PLCL1: variants seen among roughly 807,000 people sequenced by gnomAD.
The protein encoded by PLCL1 is inactive phospholipase C-like protein 1.
A neutral mutation model predicts 84.4 loss-of-function variants in PLCL1; 41 were observed. That is an observed-to-expected ratio of 0.49 (90% CI 0.38 to 0.63). The LOEUF (loss-of-function observed/expected upper bound fraction) is 0.63. Ranked by LOEUF, PLCL1 falls within the 30% of genes least tolerant of loss-of-function variation. The probability of loss-of-function intolerance (pLI) is 0.00; values close to 1 mark genes in which losing one functional copy is unlikely to be tolerated. For missense variants in PLCL1, 1,206 were observed against 1,367.8 expected (o/e 0.88, Z 1.87); for synonymous variants, 490 against 488.3 (o/e 1.00, Z -0.05).
chr2:197,897,025 G>A (rs763851484), intron 1 of PLCL1, among the ~76,000 whole-genome samples: 1 of 152,052 alleles, frequency 6.6e-6, no homozygotes, highest in African/African-American at 2.4e-5. Context: ...ACTGCTTTTA[G>A]TATTTTGTGA....
intron 1 of PLCL1, among the ~76,000 whole-genome samples, chr2:197,850,695 C>T (rs1412656439): frequency 6.6e-6 from 1 of 152,116 alleles, no homozygotes; most frequent in Non-Finnish European, 1.5e-5. Context: ...AACAACTACA[C>T]CTACCTACTT....
intron 1 of PLCL1, among the ~76,000 whole-genome samples, chr2:198,080,217 C>T (rs1053885674): frequency 7.2e-5 from 11 of 152,290 alleles, no homozygotes; most frequent in Admixed American, 7.2e-4. Flanking sequence ...CTTCCCAATA[C>T]ATACACAACA....
chr2:198,006,876 T>C (rs552990489), intron 1 of PLCL1, among the ~76,000 whole-genome samples: 28 of 152,192 alleles, frequency 1.8e-4, no homozygotes, highest in Non-Finnish European at 3.2e-4. Flanking sequence ...CTTTTACCAG[T>C]TTCTAAAGGC....
intron 1 of PLCL1, among the ~76,000 whole-genome samples, chr2:198,078,711 T>A (rs866465857): frequency 6.6e-6 from 1 of 152,116 alleles, no homozygotes; most frequent in African/African-American, 2.4e-5. Context: ...TAGAACTGTT[T>A]GCTTAAAAAA....
At chr2:197,898,743 C>G (rs1688206203) in intron 1 of PLCL1, among the ~76,000 whole-genome samples, 1 of 40,876 alleles carries the variant, frequency 2.4e-5, no homozygotes, top group African/African-American at 1.8e-4. Context: ...TTCTTTAGTC[C>G]TTGACTCAAA....
chr2:197,816,904 A>G (rs1690700791), intron 1 of PLCL1, among the ~76,000 whole-genome samples: 3 of 152,152 alleles, frequency 2.0e-5, no homozygotes, highest in African/African-American at 4.8e-5. Flanking sequence ...TAGAAATTGC[A>G]AAGTCAATAT....
At chr2:197,813,223 G>A (rs1369901687) in intron 1 of PLCL1, among the ~76,000 whole-genome samples, 1 of 152,150 alleles carries the variant, frequency 6.6e-6, no homozygotes, top group Non-Finnish European at 1.5e-5. Context: ...GGTTGGGGAG[G>A]AGAGAGAGAA....
At chr2:198,141,463 C>T (rs1464305955) in intron 5 of PLCL1, among the ~76,000 whole-genome samples, 1 of 136,778 alleles carries the variant, frequency 7.3e-6, no homozygotes, top group Non-Finnish European at 1.5e-5. Context: ...CGTAACATAC[C>T]AAGAGTGTAA....
intron 1 of PLCL1, among the ~76,000 whole-genome samples, chr2:197,840,664 C>T (rs973017687): frequency 2.0e-5 from 3 of 152,028 alleles, no homozygotes; most frequent in African/African-American, 7.2e-5. Flanking sequence ...AATAAATGCT[C>T]CTAAAATGAA....
At chr2:198,019,603 T>C (rs1424560441) in intron 1 of PLCL1, among the ~76,000 whole-genome samples, 1 of 152,102 alleles carries the variant, frequency 6.6e-6, no homozygotes, top group Non-Finnish European at 1.5e-5. Context: ...CAAGTATCAA[T>C]AGCTGAATTG....
Position 197,983,200 on chromosome 2 carries a change from C to CTTTTTTTTT in PLCL1, c.241-100527_241-100519dup, listed in dbSNP as rs760577848. On this transcript the variant is annotated intron_variant, in intron 1 of 5. Transcript: ENST00000428675. ...TTTCTTTTTCTTTTTCTTTTCTTTT[C>CTTTTTTTTT]TTTTTTTTTTTTTTTTTTTTTTTTT... 6.8e-4 allele frequency among the ~76,000 whole-genome samples: 41 copies of CTTTTTTTTT among 60,282 alleles called. 2 individuals are homozygous for CTTTTTTTTT. Among genetic ancestry groups the CTTTTTTTTT allele is most frequent in the East Asian group, 2.7e-3 (5 of 1,876 alleles). The allele number at this position is 60,282 out of a possible 152,430, so 39.5% of individuals were successfully genotyped here. A position where few individuals can be genotyped will look rare whatever the true frequency, so the allele number is the denominator to read the frequency against.
At chr2:197,938,906 A>G (rs1279018488) in intron 1 of PLCL1, among the ~76,000 whole-genome samples, 2 of 152,360 alleles carry the variant, frequency 1.3e-5, no homozygotes, top group African/African-American at 4.8e-5. Flanking sequence ...GAAAATGGCA[A>G]TATTAAGAGT....
chr2:198,034,557 T>A (rs1574262786), intron 1 of PLCL1, among the ~76,000 whole-genome samples: 1 of 152,330 alleles, frequency 6.6e-6, no homozygotes, highest in East Asian at 1.9e-4. Flanking sequence ...AAAAAAAGTT[T>A]TTGTTTTTAA....
At chr2:197,878,223 T>C (rs997087521) in intron 1 of PLCL1, among the ~76,000 whole-genome samples, 1 of 152,174 alleles carries the variant, frequency 6.6e-6, no homozygotes, top group Non-Finnish European at 1.5e-5. Flanking sequence ...AATAACATTC[T>C]CCATGATTAG....
intron 1 of PLCL1, among the ~76,000 whole-genome samples, chr2:197,960,861 G>A (rs911979140): frequency 1.3e-5 from 2 of 152,074 alleles, no homozygotes; most frequent in Non-Finnish European, 2.9e-5. Flanking sequence ...AAGATGTATA[G>A]CATTATTATG....
At chr2:197,841,310 T>C (rs1216901596) in intron 1 of PLCL1, among the ~76,000 whole-genome samples, 2 of 152,204 alleles carry the variant, frequency 1.3e-5, no homozygotes, top group African/African-American at 4.8e-5. Context: ...ATAATATGTA[T>C]CTATCATTAT....
At chr2:197,938,883 C>T (rs755138213) in intron 1 of PLCL1, among the ~76,000 whole-genome samples, 56 of 152,018 alleles carry the variant, frequency 3.7e-4, no homozygotes, top group Non-Finnish European at 5.7e-4. Context: ...TCATTAATCT[C>T]AAGTGGAGAC....
intron 1 of PLCL1, among the ~76,000 whole-genome samples, chr2:198,020,727 G>A (rs1691113685): frequency 6.6e-6 from 1 of 152,108 alleles, no homozygotes; most frequent in African/African-American, 2.4e-5. Context: ...ACCCAATACA[G>A]GAGCACCCAG....
chr2:198,146,921 A>G lies in PLCL1; in HGVS notation c.3247A>G (p.Ile1083Val), dbSNP rs1294436266. 6 of 1,612,778 alleles carry G rather than the reference A, an allele frequency of 3.7e-6. No individual in the cohort carries two copies. The highest frequency in any genetic ancestry group is 5.1e-6 in the Non-Finnish European group (6 of 1,179,184). The change falls in exon 6 of 6, where the codon ATA (isoleucine) becomes GTA (valine). Residue 1083 changes from isoleucine (I) to valine (V), a missense_variant. By Grantham distance (29) the Ile-to-Val change is conservative. Coordinates refer to ENST00000428675, the MANE Select transcript of PLCL1 (RefSeq NM_006226.4). ...EAKSKRSLEA[I>V]EEKESSEENG... ...CAAGAGCAAGCGCAGCCTGGAAGCC[A>G]TAGAGGAGAAGGAAAGTAGTGAGGA...
Sources: gnomAD v4.1 joint callset for allele counts (sites outside exome capture counted in the v4.1 genomes callset) on GRCh38, gnomAD v4.1.1 for gene constraint, MANE v1.5 for transcripts, NCBI Gene and HGNC (gene_info 2026-07-23, HGNC 2026-07-21) for gene names.